The following PRMT5 variants were observed in gnomAD, a reference collection of about 807,000 sequenced individuals.
PRMT5 encodes the protein protein arginine methyltransferase 5.
PRMT5 carries 15 observed loss-of-function variants against 84.0 expected under a neutral mutation model. That is an observed-to-expected ratio of 0.18 (90% CI 0.12 to 0.28). PRMT5 has a LOEUF of 0.28. Ranked by LOEUF, PRMT5 falls within the 10% of genes least tolerant of loss-of-function variation. The pLI is 1.00. For synonymous variants in PRMT5, 276 were observed against 292.4 expected, an observed-to-expected ratio of 0.94 and a Z score of 0.57; for missense variants, 486 against 808.0, an observed-to-expected ratio of 0.60 and a Z score of 4.83.
chr14:22,927,944 A>G (rs2044463170), intron 3 of PRMT5, among the ~76,000 whole-genome samples, 182 bp downstream of exon 3: 1 of 152,120 alleles, frequency 6.6e-6, no homozygotes, highest in South Asian at 2.1e-4. Context: ...CCCGAGCTCC[A>G]GTGATCCTAC....
chr14:22,927,203 A>G (rs2044440972), intron 4 of PRMT5, among the ~76,000 whole-genome samples: 1 of 150,804 alleles, frequency 6.6e-6, no homozygotes, highest in Non-Finnish European at 1.5e-5. Flanking sequence ...CTCCCACCTC[A>G]GCTTCCCAAG....
At chr14:22,921,639 C>T (rs1418331088) in intron 16 of PRMT5, among the ~76,000 whole-genome samples, 1 of 152,066 alleles carries the variant, frequency 6.6e-6, no homozygotes, top group East Asian at 1.9e-4. Flanking sequence ...AATCCCAGCA[C>T]TTTGGGAGGC....
Position 22,922,770 on chromosome 14 carries a change from G to A in PRMT5, c.1551C>T (p.Pro517=), listed in dbSNP as rs1412953304. 7 of 1,614,058 alleles carry A rather than the reference G, an allele frequency of 4.3e-6. No individual in the cohort carries two copies. Among genetic ancestry groups the A allele is most frequent in the Middle Eastern group, 1.7e-4 (1 of 5,998 alleles). Residue 517 remains proline, a synonymous_variant, in exon 14 of 17, where the codon CCC becomes CCT. Transcript: ENST00000324366. ...HNFHQLSAPQ[P]CFTFSHPNRD... ...TGTTGGGATGGCTGAAGGTGAAACA[G>A]GGCTGGGGTGCAGAGAGCTGGTGGA...
intron 6 of PRMT5, 38 bp from the exon 7 acceptor site, chr14:22,926,334 G>C: frequency 1.9e-6 from 3 of 1,609,228 alleles, no homozygotes; most frequent in Non-Finnish European, 1.7e-6. Flanking sequence ...ACCACTGCCA[G>C]GCAAGAAACC....
Position 22,928,677 on chromosome 14 carries a change from C to T in PRMT5, c.111-62G>A. 1.5e-6 allele frequency: 2 copies of T among 1,315,124 alleles called. No individual in the cohort carries two copies. The highest frequency in any genetic ancestry group is 2.2e-6 in the Non-Finnish European group (2 of 907,660). 81.5% of individuals were successfully genotyped at this position (1,315,124 alleles called of 1,614,324 possible). ...GCAGCAGTGCCAGAGAGCCAAGCAA[C>T]TGGATTTAGGCTATCTTGATTTTGC... On this transcript the variant is annotated intron_variant, in intron 1 of 16. Coordinates refer to ENST00000324366, the MANE Select transcript of PRMT5 (RefSeq NM_006109.5). This position sits in a 1 kb window ranked among gnomAD's most constrained non-coding sequence, Gnocchi z 4.8.
At chr14:22,922,326 C>CAAAG (rs2139218217) in intron 15 of PRMT5, 86 bp from the exon 16 acceptor site, 1 of 1,430,742 alleles carries the variant, frequency 7.0e-7, no homozygotes, top group Non-Finnish European at 9.9e-7. Flanking sequence ...TCTAATCACA[C>CAAAG]AAAGATCTCC....
chr14:22,923,278 A>G lies in PRMT5; in HGVS notation c.1376-118T>C. On this transcript the variant is annotated intron_variant, in intron 12 of 16. Transcript: ENST00000324366. This position sits in a 1 kb window ranked among gnomAD's most constrained non-coding sequence, Gnocchi z 5.2. ...AAAACCAACCAACGTTGGCATGGGC[A>G]TGGAAGAAAGAGACAAATGCATGTT... is the stretch of plus-strand genomic sequence containing the variant. The G allele has an allele frequency of 1.5e-6, 1 of 689,040 alleles. No homozygotes were observed. Among genetic ancestry groups the G allele is most frequent in the Non-Finnish European group, 2.4e-6 (1 of 417,268 alleles). 42.7% of individuals were successfully genotyped at this position (689,040 alleles called of 1,614,324 possible).
rs914418984 is a variant in PRMT5 at position 22,923,322 on chromosome 14, C to G, written c.1376-162G>C. 3.9e-5 allele frequency: 22 copies of G among 559,852 alleles called. No homozygotes were observed. The South Asian group carries it at 5.6e-4, about 14-fold the overall frequency. The allele number at this position is 559,852 out of a possible 1,614,324, so 34.7% of individuals were successfully genotyped here. On this transcript the variant is annotated intron_variant, in intron 12 of 16. Transcript: ENST00000324366. The surrounding 1 kb of genome is among the most constrained non-coding windows in gnomAD (Gnocchi z 5.2). ...GCATGTTGTCACATTACTAAGCCAG[C>G]CTGCTTCCAACTACTGTCATGGAGG...
chr14:22,920,629 A>G lies in PRMT5; in HGVS notation c.*275T>C. 1 of 661,396 alleles carries G rather than the reference A, an allele frequency of 1.5e-6. No homozygotes were observed. The highest frequency in any genetic ancestry group is 2.9e-6 in the Non-Finnish European group (1 of 350,140). The allele number at this position is 661,396 out of a possible 1,614,324, so 41.0% of individuals were successfully genotyped here. A position where few individuals can be genotyped will look rare whatever the true frequency, so the allele number is the denominator to read the frequency against. On this transcript the variant is annotated 3_prime_UTR_variant, in exon 17 of 17. Coordinates refer to ENST00000324366, the MANE Select transcript of PRMT5 (RefSeq NM_006109.5). ...AAATCCGTTCAAACCCCATGTTCTC[A>G]GGGATATTCCAGGGAGTTCTTGAGG...
Position 22,920,914 on chromosome 14 carries a change from A to G in PRMT5, c.1904T>C (p.Ile635Thr), listed in dbSNP as rs760263053. The part of the protein sequence containing the change: ...IHNPTGRSYT[I>T]GL ...ACTTGGCACGCAGGGCTAGAGGCCA[A>G]TGGTATATGAGCGGCCTGTGGGGTT... Residue 635 changes from isoleucine to threonine, a missense_variant, in exon 17 of 17, where the codon ATT becomes ACT. This residue lies in a region of PRMT5 where 219 missense variants were observed against 433.6 expected (regional missense o/e 0.51). Coordinates refer to ENST00000324366, the MANE Select transcript of PRMT5 (RefSeq NM_006109.5). 7 of 1,614,218 alleles carry G rather than the reference A, an allele frequency of 4.3e-6. No homozygotes were observed. Among genetic ancestry groups the G allele is most frequent in the South Asian group, 1.1e-5 (1 of 91,086 alleles).
In PRMT5 at chr14:22,923,309, A is replaced by G; in HGVS notation, c.1376-149T>C. 1.7e-6 allele frequency: 1 copy of G among 584,120 alleles called. No individual in the cohort carries two copies. The highest frequency in any genetic ancestry group is 3.0e-6 in the Non-Finnish European group (1 of 333,194). 36.2% of individuals were successfully genotyped at this position (584,120 alleles called of 1,614,324 possible). On this transcript the variant is annotated intron_variant, in intron 12 of 16. Transcript: ENST00000324366. The surrounding 1 kb of genome is among the most constrained non-coding windows in gnomAD (Gnocchi z 5.2). ...GAAAGAGACAAATGCATGTTGTCAC[A>G]TTACTAAGCCAGCCTGCTTCCAACT...
intron 6 of PRMT5, 99 bp downstream of exon 6, chr14:22,926,407 G>A (rs2044419907): frequency 6.3e-7 from 1 of 1,590,712 alleles, no homozygotes; most frequent in Non-Finnish European, 8.6e-7. Context: ...CTGAGACAGA[G>A]GGGAAGTAGC....
intron 16 of PRMT5, 117 bp downstream of exon 16, chr14:22,922,059 A>C: frequency 1.1e-6 from 1 of 935,320 alleles, no homozygotes; most frequent in South Asian, 1.5e-5. Flanking sequence ...ATCCAAGAGC[A>C]TATGAAATCA....
Position 22,923,316 on chromosome 14 carries a change from A to T in PRMT5, c.1376-156T>A. On this transcript the variant is annotated intron_variant, in intron 12 of 16. Transcript: ENST00000324366. This position sits in a 1 kb window ranked among gnomAD's most constrained non-coding sequence, Gnocchi z 5.2. ...ACAAATGCATGTTGTCACATTACTAAGCCAGCCTGCTTCCAACTACTGTCA... is the reference window on the plus strand; with the variant it reads ...ACAAATGCATGTTGTCACATTACTATGCCAGCCTGCTTCCAACTACTGTCA... 2 of 569,544 alleles carry T rather than the reference A, an allele frequency of 3.5e-6. No individual in the cohort carries two copies. Among genetic ancestry groups the T allele is most frequent in the Non-Finnish European group, 6.2e-6 (2 of 324,388 alleles). 35.3% of individuals were successfully genotyped at this position (569,544 alleles called of 1,614,324 possible).
At chr14:22,925,147 T>C in intron 7 of PRMT5, 107 bp from the exon 8 acceptor site, 1 of 1,149,956 alleles carries the variant, frequency 8.7e-7, no homozygotes, top group Non-Finnish European at 1.2e-6. Context: ...AGATCAACAG[T>C]TCTCTTTTTT....
At chr14:22,927,407 C>A in intron 4 of PRMT5, 119 bp downstream of exon 4, 1 of 1,417,894 alleles carries the variant, frequency 7.1e-7, no homozygotes, top group Non-Finnish European at 9.8e-7. Context: ...CTGTGCCCGC[C>A]AATACTGATA....
Position 22,924,458 on chromosome 14 carries a change from G to A in PRMT5, c.1076+21C>T, listed in dbSNP as rs762401416. 2 of 1,613,870 alleles carry A rather than the reference G, an allele frequency of 1.2e-6. No homozygotes were observed. Among genetic ancestry groups the A allele is most frequent in the South Asian group, 2.2e-5 (2 of 91,072 alleles). On this transcript the variant is annotated intron_variant, in intron 10 of 16. Transcript: ENST00000324366. The surrounding 1 kb of genome is among the most constrained non-coding windows in gnomAD (Gnocchi z 6.5). ...CAGATATAGGTATGCAAGTCCCTGAGATTGAGGGGAAAGCACTCACTGGAC... is the reference window on the plus strand; with the variant it reads ...CAGATATAGGTATGCAAGTCCCTGAAATTGAGGGGAAAGCACTCACTGGAC...
chr14:22,925,696 T>C (rs1004205900), intron 7 of PRMT5, among the ~76,000 whole-genome samples: 1 of 151,980 alleles, frequency 6.6e-6, no homozygotes, highest in African/African-American at 2.4e-5. Flanking sequence ...GGTGCATTCC[T>C]ATAATCCCAG....
At chr14:22,921,843 C>T (rs966976984) in intron 16 of PRMT5, among the ~76,000 whole-genome samples, 3 of 144,462 alleles carry the variant, frequency 2.1e-5, no homozygotes, top group Admixed American at 7.1e-5. Flanking sequence ...AATTGTGCCA[C>T]TGCACTCCAG....
Sources: gnomAD v4.1 joint callset for allele counts (sites outside exome capture counted in the v4.1 genomes callset) on GRCh38, gnomAD v4.1.1 for gene constraint, gnomAD v4.1.1 regional missense constraint, Gnocchi (gnomAD v3.1) non-coding constraint, MANE v1.5 for transcripts, NCBI Gene and HGNC (gene_info 2026-07-23, HGNC 2026-07-21) for gene names.